GARIN6: variants seen among roughly 807,000 people sequenced by gnomAD.
GARIN6 encodes Golgi-associated RAB2 interactor protein 6.
the GARIN6 span, chr12:99,648,227 T>C: frequency 6.2e-7 from 1 of 1,614,164 alleles, no homozygotes; most frequent in Non-Finnish European, 8.5e-7. Context: ...AGCCCCGCAA[T>C]GGGCATGTTT....
chr12:99,648,902 G>A, the GARIN6 span: 4 of 1,403,304 alleles, frequency 2.9e-6, no homozygotes, highest in Non-Finnish European at 3.8e-6. Flanking sequence ...GCATTTGGAA[G>A]GTCTGAAGGC....
the GARIN6 span, chr12:99,647,970 G>A: frequency 1.5e-6 from 1 of 661,560 alleles, no homozygotes; most frequent in Non-Finnish European, 2.5e-6. Context: ...CTGGATCCAG[G>A]GGACTGACTG....
chr12:99,648,725 G>A, the GARIN6 span: 3 of 1,613,858 alleles, frequency 1.9e-6, no homozygotes, highest in African/African-American at 2.7e-5. Flanking sequence ...AGTGATACCA[G>A]GGCTATCCTA....
the GARIN6 span, chr12:99,648,612 C>T: frequency 6.2e-7 from 1 of 1,614,088 alleles, no homozygotes; most frequent in Non-Finnish European, 8.5e-7. Context: ...CCACGGGCCG[C>T]TCTTTTTATC....
the GARIN6 span, chr12:99,648,374 G>A: frequency 2.7e-5 from 43 of 1,614,158 alleles, no homozygotes; most frequent in East Asian, 6.5e-4. Context: ...AACCGTGCCC[G>A]AATGGTAACA....
the GARIN6 span, chr12:99,647,753 A>C: frequency 5.4e-6 from 1 of 185,508 alleles, no homozygotes; most frequent in African/African-American, 2.3e-5. Flanking sequence ...GTGGTTTAGC[A>C]GCAGTGGATG....
chr12:99,648,768 G>A, the GARIN6 span: 1 of 1,612,280 alleles, frequency 6.2e-7, no homozygotes, highest in Non-Finnish European at 8.5e-7. Flanking sequence ...CTGTGTTGGA[G>A]GAAGTGCAGA....
the GARIN6 span, chr12:99,649,402 C>A: frequency 1.3e-6 from 2 of 1,597,758 alleles, no homozygotes; most frequent in Admixed American, 3.3e-5. Context: ...GATATGAATC[C>A]AACATACCTC....
the GARIN6 span, chr12:99,648,359 T>C: frequency 6.2e-7 from 1 of 1,614,052 alleles, no homozygotes; most frequent in African/African-American, 1.3e-5. Flanking sequence ...GTGATTGACG[T>C]GCACAACCGT....
chr12:99,649,345 A>G, the GARIN6 span: 1 of 1,614,200 alleles, frequency 6.2e-7, no homozygotes, highest in Admixed American at 1.7e-5. Context: ...TAGACTTCAC[A>G]TGAATGCTGA....
At chr12:99,649,220 T>C in the GARIN6 span, 3 of 1,215,312 alleles carry the variant, frequency 2.5e-6, no homozygotes, top group Admixed American at 5.3e-5. Flanking sequence ...CTTTTTGTTG[T>C]TTACCTATAG....
chr12:99,647,956 CA>C, the GARIN6 span: 4 of 617,552 alleles, frequency 6.5e-6, no homozygotes, highest in Admixed American at 1.2e-4. Context: ...AAGCAGGGCA[CA>C]GTCTGGATCC....
the GARIN6 span, chr12:99,649,803 C>T: frequency 1.8e-3 from 293 of 158,436 alleles, no homozygotes; most frequent in South Asian, 4.4e-3. Flanking sequence ...GTTGCATTGA[C>T]AGTATCTCTC....
chr12:99,649,469 C>A, the GARIN6 span: 1 of 1,249,030 alleles, frequency 8.0e-7, no homozygotes, highest in Non-Finnish European at 1.2e-6. Flanking sequence ...ACCTATAGTG[C>A]CTGATGAAGG....
the GARIN6 span, chr12:99,650,088 G>A: frequency 6.6e-6 from 1 of 152,284 alleles, no homozygotes; most frequent in African/African-American, 2.4e-5. Context: ...TGACAGGAAG[G>A]GTAGCAATAA....
the GARIN6 span, chr12:99,647,904 A>G: frequency 4.6e-6 from 2 of 437,350 alleles, no homozygotes; most frequent in Non-Finnish European, 8.1e-6. Context: ...CCGGACATCC[A>G]CGAGGGCCCC....
At chr12:99,648,229 G>A in the GARIN6 span, 3 of 1,614,126 alleles carry the variant, frequency 1.9e-6, no homozygotes, top group Non-Finnish European at 2.5e-6. Context: ...CCCCGCAATG[G>A]GCATGTTTAA....
the GARIN6 span, chr12:99,649,728 T>G: frequency 4.2e-6 from 1 of 238,370 alleles, no homozygotes; most frequent in East Asian, 1.1e-4. Context: ...TAAGTGCTAC[T>G]GGCCTCTCCC....
At chr12:99,648,109 C>A in the GARIN6 span, 1 of 1,542,034 alleles carries the variant, frequency 6.5e-7, no homozygotes, top group East Asian at 2.3e-5. Context: ...AAACAGGATG[C>A]CCGCTAAAGC....
Sources: gnomAD v4.1 joint callset for allele counts on GRCh38, gnomAD v4.1.1 for gene constraint, MANE v1.5 for transcripts, NCBI Gene and HGNC (gene_info 2026-07-23, HGNC 2026-07-21) for gene names.